C4BPA: variants seen among roughly 807,000 people sequenced by gnomAD.
C4BPA encodes the protein C4b-binding protein alpha chain.
In C4BPA, 31 loss-of-function variants were observed where a neutral mutation model predicts 63.7. The observed-to-expected ratio is 0.49, with a 90% CI of 0.37 to 0.66. C4BPA has a LOEUF of 0.66. Among genes scored for constraint, C4BPA ranks in the 30% least tolerant of loss-of-function variants. C4BPA has a pLI of 0.00. For missense variants in C4BPA, 572 were observed against 723.3 expected (o/e 0.79, Z 2.40); for synonymous variants, 259 against 254.7 (o/e 1.02, Z -0.16).
chr1:207,142,576 A>G (rs1685443228), intron 10 of C4BPA, among the ~76,000 whole-genome samples: 1 of 152,104 alleles, frequency 6.6e-6, no homozygotes, highest in Non-Finnish European at 1.5e-5. Flanking sequence ...CCTCTCCAGC[A>G]TCTGTTGTTT....
Position 207,144,589 on chromosome 1 carries a change from A to T in C4BPA, c.1666A>T (p.Met556Leu). 6.2e-7 allele frequency: 1 copy of T among 1,613,280 alleles called. No homozygotes were observed. The highest frequency in any genetic ancestry group is 1.3e-5 in the African/African-American group (1 of 75,012). Reference protein sequence around the residue: ...CEQVLTGKRLMQCLPNPEDVK... With the variant: ...CEQVLTGKRLLQCLPNPEDVK... ...ACAAGTGCTCACAGGCAAAAGACTCATGCAGTGTCTCCCAAACCCAGAGGA... is the reference window on the plus strand; with the variant it reads ...ACAAGTGCTCACAGGCAAAAGACTCTTGCAGTGTCTCCCAAACCCAGAGGA... The change falls in exon 12 of 12, where the codon ATG becomes TTG. Residue 556 changes from methionine to leucine, a missense_variant. Transcript: ENST00000367070.
chr1:207,130,155 T>C (rs1685130112), intron 7 of C4BPA, among the ~76,000 whole-genome samples: 2 of 152,336 alleles, frequency 1.3e-5, no homozygotes, highest in Admixed American at 1.3e-4. Context: ...TGTTTTACTG[T>C]GTGGATTCAA....
At chr1:207,130,261 A>G (rs889586519) in intron 7 of C4BPA, among the ~76,000 whole-genome samples, 1 of 152,210 alleles carries the variant, frequency 6.6e-6, no homozygotes, top group African/African-American at 2.4e-5. Context: ...ACCACTTCAC[A>G]TCCAGCAGAA....
intron 3 of C4BPA, among the ~76,000 whole-genome samples, chr1:207,115,082 A>AT (rs370605866): frequency 1.3e-5 from 2 of 152,116 alleles, no homozygotes; most frequent in South Asian, 4.1e-4. Context: ...TGTGACATGC[A>AT]TTTTTTAGTG....
In C4BPA at chr1:207,126,910, T is replaced by C; in HGVS notation, c.889+15T>C. 6.2e-7 allele frequency: 1 copy of C among 1,603,104 alleles called. No homozygotes were observed. ...TTGTGAGCCCAGTAAGTATGGACTG[T>C]GACAGAATTTCAATGTTTGGCATCT... On this transcript the variant is annotated intron_variant, in intron 7 of 11. Coordinates refer to ENST00000367070, the MANE Select transcript of C4BPA (RefSeq NM_000715.4).
chr1:207,144,015 A>T (rs1429884392), intron 11 of C4BPA, 22 bp downstream of exon 11: 2 of 1,536,988 alleles, frequency 1.3e-6, no homozygotes, highest in African/African-American at 2.8e-5. Flanking sequence ...AATTCAAGGA[A>T]GTTCTGTGCT....
intron 7 of C4BPA, chr1:207,127,630 G>GT (rs1226631077): frequency 6.6e-6 from 1 of 152,242 alleles, no homozygotes; most frequent in Non-Finnish European, 1.5e-5. Flanking sequence ...TGGTGGAGGA[G>GT]TTTGGGGAAA....
intron 4 of C4BPA, among the ~76,000 whole-genome samples, chr1:207,117,531 G>A (rs6665307): frequency 0.58 from 88,415 of 152,094 alleles, 27,082 homozygotes; most frequent in East Asian, 0.73. Context: ...ATATGTTACC[G>A]TAGAGAAGGC....
chr1:207,120,864 A>G (rs1684907684), intron 4 of C4BPA, among the ~76,000 whole-genome samples: 1 of 152,212 alleles, frequency 6.6e-6, no homozygotes, highest in Non-Finnish European at 1.5e-5. Flanking sequence ...GCTGGAGTGC[A>G]GTGGTGCAGT....
chr1:207,109,908 C>T (rs1684630982), intron 1 of C4BPA, among the ~76,000 whole-genome samples: 1 of 152,162 alleles, frequency 6.6e-6, no homozygotes, highest in South Asian at 2.1e-4. Flanking sequence ...TAAAATCAGT[C>T]CTTAACAAAG....
chr1:207,112,799 A>G (rs1400025946), intron 1 of C4BPA: 1 of 483,356 alleles, frequency 2.1e-6, no homozygotes, highest in African/African-American at 2.0e-5. Flanking sequence ...CTTGGAATCA[A>G]TCTCTCTTCT....
intron 7 of C4BPA, among the ~76,000 whole-genome samples, chr1:207,130,815 T>G (rs114802518): frequency 6.6e-6 from 1 of 151,884 alleles, no homozygotes; most frequent in African/African-American, 2.4e-5. Context: ...AAATAGGGAG[T>G]GACTGATAAT....
At chr1:207,106,445 T>TTTTTTGTTG (rs1299080399) in intron 1 of C4BPA, among the ~76,000 whole-genome samples, 1 of 139,234 alleles carries the variant, frequency 7.2e-6, no homozygotes, top group Non-Finnish European at 1.5e-5. Context: ...GTGTAAGTTT[T>TTTTTTGTTG]TTTTTTTTTT....
intron 4 of C4BPA, among the ~76,000 whole-genome samples, chr1:207,122,304 T>C (rs1684936351): frequency 6.6e-6 from 1 of 152,178 alleles, no homozygotes; most frequent in Non-Finnish European, 1.5e-5. Context: ...GGGCTTGATA[T>C]AGTCCTTGGC....
intron 9 of C4BPA, among the ~76,000 whole-genome samples, chr1:207,139,921 C>T (rs1389810055): frequency 6.6e-6 from 1 of 152,110 alleles, no homozygotes; most frequent in Non-Finnish European, 1.5e-5. Context: ...GGGCCAAATG[C>T]TGTTGGTCCC....
intron 1 of C4BPA, among the ~76,000 whole-genome samples, chr1:207,108,319 C>T (rs1572772420): frequency 2.0e-5 from 3 of 151,238 alleles, no homozygotes; most frequent in Admixed American, 2.0e-4. Context: ...AAAAAAAATT[C>T]ACTAAGATAA....
chr1:207,110,194 G>C (rs1014532189), intron 1 of C4BPA, among the ~76,000 whole-genome samples: 7 of 152,202 alleles, frequency 4.6e-5, no homozygotes, highest in African/African-American at 1.2e-4. Context: ...TACTTGGTAT[G>C]TGGAGGCTTG....
Position 207,124,336 on chromosome 1 carries a change from G to A in C4BPA, c.676G>A (p.Val226Ile), listed in dbSNP as rs117760512. The A allele has an allele frequency of 9.2e-5, 149 of 1,613,192 alleles. No individual in the cohort carries two copies. In the East Asian group the frequency reaches 1.2e-3, roughly 13 times the overall value. The change falls in exon 6 of 12, where the codon GTT becomes ATT. Residue 226 changes from valine (V) to isoleucine (I), a missense_variant. Physicochemically the swap from Val to Ile is conservative, Grantham distance 29. This residue lies in a region of C4BPA where 465 missense variants were observed against 629.4 expected (regional missense o/e 0.74). Coordinates refer to ENST00000367070, the MANE Select transcript of C4BPA (RefSeq NM_000715.4). ...SCTVENETIGVWRPSPPTCEK... is the reference protein window; with the variant it reads ...SCTVENETIGIWRPSPPTCEK... The stretch of plus-strand genomic sequence containing the variant: ...CACTGTGGAGAATGAAACAATAGGT[G>A]TTTGGAGACCAAGCCCTCCTACCTG...
At position 207,113,025 on chromosome 1, in the gene C4BPA, C is replaced by T. The variant is rs1048162668; in HGVS notation, c.-1C>T. On this transcript the variant is annotated 5_prime_UTR_variant, in exon 2 of 12. Transcript: ENST00000367070. ...GAAAAACATCAGCGAAGCAGCAGGCCATGCACCCCCCAAAAACTCCATCTG... is the reference window on the plus strand; with the variant it reads ...GAAAAACATCAGCGAAGCAGCAGGCTATGCACCCCCCAAAAACTCCATCTG... The T allele has an allele frequency of 3.8e-6, 6 of 1,589,864 alleles. No individual in the cohort carries two copies. In the African/African-American group the frequency reaches 8.2e-5, roughly 22 times the overall value.
Sources: gnomAD v4.1 joint callset for allele counts (sites outside exome capture counted in the v4.1 genomes callset) on GRCh38, gnomAD v4.1.1 for gene constraint, gnomAD v4.1.1 regional missense constraint, MANE v1.5 for transcripts, NCBI Gene and HGNC (gene_info 2026-07-23, HGNC 2026-07-21) for gene names.